Variants in KHDRBS2 observed in about 807,000 individuals in gnomAD.
The protein encoded by KHDRBS2 is KH domain-containing, RNA-binding, signal transduction-associated protein 2.
In KHDRBS2, 26 loss-of-function variants were observed where a neutral mutation model predicts 44.3. That is an observed-to-expected ratio of 0.59 (90% CI 0.43 to 0.81). The LOEUF is 0.81. Among genes scored for constraint, KHDRBS2 ranks in the 40% least tolerant of loss-of-function variants. The pLI, the probability that KHDRBS2 is intolerant of heterozygous loss-of-function variation, is 0.00. For synonymous variants in KHDRBS2, 194 were observed against 151.1 expected (o/e 1.28, Z -2.08); for missense variants, 476 against 433.1 (o/e 1.10, Z -0.88).
intron 1 of KHDRBS2, among the ~76,000 whole-genome samples, chr6:62,277,869 A>G (rs140542617): frequency 1.8e-4 from 27 of 152,346 alleles, no homozygotes; most frequent in African/African-American, 6.5e-4. Context: ...CTTTCCTCCA[A>G]AAAAGTTAAT....
chr6:61,555,009 CA>C, the KHDRBS2 span, among the ~76,000 whole-genome samples: 1 of 151,918 alleles, frequency 6.6e-6, no homozygotes, highest in Non-Finnish European at 1.5e-5. Flanking sequence ...TCTTGTTTCA[CA>C]GGGGTTTTTT....
chr6:61,550,766 C>CTTTTTTTT, the KHDRBS2 span, among the ~76,000 whole-genome samples: 35 of 117,028 alleles, frequency 3.0e-4, 2 homozygotes, highest in African/African-American at 3.0e-4. Flanking sequence ...GAGATGGTAT[C>CTTTTTTTT]TTTTTTTTTT....
intron 3 of KHDRBS2, among the ~76,000 whole-genome samples, chr6:62,029,164 A>G (rs1200252951): frequency 6.6e-6 from 1 of 152,008 alleles, no homozygotes; most frequent in Non-Finnish European, 1.5e-5. Context: ...CAATTATCTA[A>G]ACATAATTTT....
intron 1 of KHDRBS2, among the ~76,000 whole-genome samples, chr6:62,264,331 A>G (rs924845320): frequency 6.6e-6 from 1 of 151,880 alleles, no homozygotes; most frequent in East Asian, 1.9e-4. Flanking sequence ...TGTCAAACCA[A>G]AAATGCTTAT....
chr6:62,252,084 G>A (rs1479586109), intron 1 of KHDRBS2, among the ~76,000 whole-genome samples: 2 of 151,718 alleles, frequency 1.3e-5, no homozygotes, highest in East Asian at 3.9e-4. Context: ...ATGAGGAGAG[G>A]TATAATAAAA....
chr6:62,079,978 CAAAAT>C (rs1042271724), intron 2 of KHDRBS2, among the ~76,000 whole-genome samples: 23 of 151,696 alleles, frequency 1.5e-4, no homozygotes, highest in East Asian at 3.9e-4. Flanking sequence ...GTGGCCAAAA[CAAAAT>C]AAAAGATGAT....
chr6:61,836,728 A>G (rs141173165), intron 6 of KHDRBS2, among the ~76,000 whole-genome samples: 63 of 152,150 alleles, frequency 4.1e-4, no homozygotes, highest in African/African-American at 1.5e-3. Flanking sequence ...CCATGGCTGT[A>G]CTTAGTGTTA....
chr6:62,024,588 T>G (rs1336762793), intron 3 of KHDRBS2, among the ~76,000 whole-genome samples: 4 of 151,606 alleles, frequency 2.6e-5, no homozygotes, highest in Non-Finnish European at 5.9e-5. Context: ...TAAAATAATT[T>G]TATTGACTTA....
chr6:61,944,087 C>A (rs1033115760), intron 4 of KHDRBS2, among the ~76,000 whole-genome samples: 1 of 152,110 alleles, frequency 6.6e-6, no homozygotes, highest in African/African-American at 2.4e-5. Flanking sequence ...TTAGTACAAC[C>A]ACTATGGAAA....
In KHDRBS2 at chr6:61,922,759, A is replaced by G. The variant is rs182077942; in HGVS notation, c.484-21388T>C. Among the ~76,000 whole-genome samples, 199 of 152,244 alleles carry G rather than the reference A, an allele frequency of 1.3e-3. 1 individual carries two copies. The highest frequency in any genetic ancestry group is 4.4e-3 in the African/African-American group (182 of 41,566). On this transcript the variant is annotated intron_variant, in intron 4 of 8. Transcript: ENST00000281156. ...AACAGCTCTTCAGTCTTGCCTTTAA[A>G]AAGTTATAAAAGCAAGACCTAATAG...
chr6:62,079,661 A>C (rs1283584609), intron 2 of KHDRBS2, among the ~76,000 whole-genome samples: 1 of 152,104 alleles, frequency 6.6e-6, no homozygotes, highest in African/African-American at 2.4e-5. Context: ...ACTTAATCCC[A>C]TGAAACTTTG....
chr6:61,885,484 C>T (rs568084054), intron 6 of KHDRBS2, among the ~76,000 whole-genome samples: 1 of 152,192 alleles, frequency 6.6e-6, no homozygotes, highest in Admixed American at 6.5e-5. Context: ...TGTTGTAGTT[C>T]ACAATGGAAT....
chr6:62,167,509 T>C (rs1471369392), intron 2 of KHDRBS2, among the ~76,000 whole-genome samples: 1 of 152,172 alleles, frequency 6.6e-6, no homozygotes, highest in Non-Finnish European at 1.5e-5. Context: ...TTATTTCAAA[T>C]GCCATTCTAT....
Position 62,122,739 on chromosome 6 carries a change from C to T in KHDRBS2, c.219+54446G>A, listed in dbSNP as rs150197024. 2.4e-4 allele frequency among the ~76,000 whole-genome samples: 30 copies of T among 125,684 alleles called. 1 individual carries two copies. The East Asian group carries it at 5.9e-3, about 25-fold the overall frequency. 82.5% of individuals were successfully genotyped at this position (125,684 alleles called of 152,430 possible). A position where few individuals can be genotyped will look rare whatever the true frequency, so the allele number is the denominator to read the frequency against. On this transcript the variant is annotated intron_variant, in intron 2 of 8. Transcript: ENST00000281156. ...CTGAAAGTGGACAGCTGCCGCAGCA[C>T]TACAGCCCCCTTTTAGCCAGTGTCC...
At chr6:62,198,194 A>T (rs1281852768) in intron 1 of KHDRBS2, among the ~76,000 whole-genome samples, 1 of 152,188 alleles carries the variant, frequency 6.6e-6, no homozygotes, top group East Asian at 1.9e-4. Context: ...AAGCAAGAGC[A>T]AACACATTCA....
intron 1 of KHDRBS2, among the ~76,000 whole-genome samples, chr6:62,277,759 T>C (rs1286705358): frequency 1.3e-5 from 2 of 152,294 alleles, no homozygotes; most frequent in African/African-American, 4.8e-5. Context: ...ATAAGGTAAA[T>C]AGCCTAATGC....
intron 2 of KHDRBS2, among the ~76,000 whole-genome samples, chr6:62,084,097 G>C (rs1315069343): frequency 6.6e-6 from 1 of 152,060 alleles, no homozygotes; most frequent in Non-Finnish European, 1.5e-5. Context: ...TGGCCATATA[G>C]TCCTGTGAGG....
At chr6:61,892,766 G>A in intron 6 of KHDRBS2, among the ~76,000 whole-genome samples, 1 of 152,292 alleles carries the variant, frequency 6.6e-6, no homozygotes, top group East Asian at 1.9e-4. Flanking sequence ...ATGGATTAAA[G>A]ACTTAAATGT....
chr6:61,666,766 T>C, the KHDRBS2 span, among the ~76,000 whole-genome samples: 1 of 151,592 alleles, frequency 6.6e-6, no homozygotes, highest in Non-Finnish European at 1.5e-5. Context: ...ATTTGCCATG[T>C]ATTGCTTCAA....
Sources: allele counts gnomAD v4.1 joint callset (sites outside exome capture counted in the v4.1 genomes callset), GRCh38; gene constraint gnomAD v4.1.1; transcripts MANE v1.5; gene names NCBI Gene and HGNC (gene_info 2026-07-23, HGNC 2026-07-21).